The following SLC2A10 variants were observed in gnomAD, a reference collection of about 807,000 sequenced individuals.
SLC2A10 encodes solute carrier family 2, facilitated glucose transporter member 10.
SLC2A10 carries 25 observed loss-of-function variants against 32.1 expected under a neutral mutation model. The ratio of observed to expected loss-of-function variants is 0.78; its 90% CI spans 0.57 to 1.09. SLC2A10 has a LOEUF of 1.09. Ranked by LOEUF, SLC2A10 falls within the 50% of genes least tolerant of loss-of-function variation. The pLI is 0.00. For synonymous variants in SLC2A10, 332 were observed against 309.6 expected (o/e 1.07, Z -0.76); for missense variants, 673 against 686.5 (o/e 0.98, Z 0.22).
rs942027506 is a variant in SLC2A10 at position 46,714,998 on chromosome 20, G to A, written c.4+5258G>A. Among the ~76,000 whole-genome samples, 5 of 152,242 alleles carry A rather than the reference G, an allele frequency of 3.3e-5. No individual in the cohort carries two copies. In the South Asian group the frequency reaches 6.2e-4, roughly 19 times the overall value. On this transcript the variant is annotated intron_variant, in intron 1 of 4. Coordinates refer to ENST00000359271, the MANE Select transcript of SLC2A10 (RefSeq NM_030777.4). ...CTTCTTGCTGGGAGGTCAGTGCAGCGGAGCTCTTAAGGACATGGGTTTGGG... is the reference window on the plus strand; with the variant it reads ...CTTCTTGCTGGGAGGTCAGTGCAGCAGAGCTCTTAAGGACATGGGTTTGGG...
intron 1 of SLC2A10, among the ~76,000 whole-genome samples, chr20:46,715,155 T>C (rs943643527): frequency 2.6e-5 from 4 of 152,192 alleles, no homozygotes; most frequent in African/African-American, 7.2e-5. Flanking sequence ...TGAGGATGAA[T>C]TGAGGGAAGG....
At position 46,729,428 on chromosome 20, in the gene SLC2A10, T is replaced by C; in HGVS notation, c.1487T>C (p.Phe496Ser). 3 of 1,614,074 alleles carry C rather than the reference T, an allele frequency of 1.9e-6. No homozygotes were observed. The highest frequency in any genetic ancestry group is 2.5e-6 in the Non-Finnish European group (3 of 1,179,994). Reference sequence around the variant, plus strand: ...CTCGGCCTGGGCTTCATCTATTTATTTGTTCCTGAAACAAAAGGCCAGTCG... The same window carrying C: ...CTCGGCCTGGGCTTCATCTATTTATCTGTTCCTGAAACAAAAGGCCAGTCG... ...AVLGLGFIYL[F>S]VPETKGQSLA... The change falls in exon 4 of 5, where the codon TTT becomes TCT. Residue 496 changes from phenylalanine to serine, a missense_variant. Coordinates refer to ENST00000359271, the MANE Select transcript of SLC2A10 (RefSeq NM_030777.4).
chr20:46,717,936 T>C, intron 1 of SLC2A10, among the ~76,000 whole-genome samples: 1 of 152,104 alleles, frequency 6.6e-6, no homozygotes, highest in East Asian at 1.9e-4. Context: ...GAAAATACCT[T>C]GACTGCCATG....
At chr20:46,723,204 C>T (rs948302457) in intron 1 of SLC2A10, among the ~76,000 whole-genome samples, 1 of 152,186 alleles carries the variant, frequency 6.6e-6, no homozygotes, top group Admixed American at 6.5e-5. Flanking sequence ...GGTTACCCCC[C>T]ATCATGTTCC....
intron 1 of SLC2A10, among the ~76,000 whole-genome samples, chr20:46,712,651 C>CTTTTTTTTTTTTTTTTTTTTTT (rs11477202): frequency 4.2e-5 from 4 of 94,422 alleles, no homozygotes; most frequent in Admixed American, 1.4e-4. Flanking sequence ...TTCTTTCTTT[C>CTTTTTTTTTTTTTTTTTTTTTT]TTTTTTTTTT....
At position 46,735,730 on chromosome 20, in the gene SLC2A10, T is replaced by C. The variant is rs1015366047; in HGVS notation, c.*1896T>C. On this transcript the variant is annotated 3_prime_UTR_variant, in exon 5 of 5. Coordinates refer to ENST00000359271, the MANE Select transcript of SLC2A10 (RefSeq NM_030777.4). ...AGACTTCAGAACATGCTGGATAAAA[T>C]GTCAGTAATGCAAATTAAACTTTAA... 1 of 152,198 alleles carries C rather than the reference T, an allele frequency of 6.6e-6. No individual in the cohort carries two copies. Among genetic ancestry groups the C allele is most frequent in the Admixed American group, 6.5e-5 (1 of 15,286 alleles). The allele number at this position is 152,198 out of a possible 1,614,324, so 9.4% of individuals were successfully genotyped here. A position where few individuals can be genotyped will look rare whatever the true frequency, so the allele number is the denominator to read the frequency against.
In SLC2A10 at chr20:46,726,311, T is replaced by C. The variant is rs913367370; in HGVS notation, c.1275T>C (p.Phe425=). ...CLMVFVSAFS[F]GFGPVTWLVL... ...TGGTCTTTGTCAGTGCCTTCTCCTT[T>C]GGGTTTGGGCCAGGTAAGTGGAGTT... Residue 425 remains phenylalanine, a synonymous_variant, in exon 2 of 5, where the codon TTT becomes TTC. Coordinates refer to ENST00000359271, the MANE Select transcript of SLC2A10 (RefSeq NM_030777.4). The C allele has an allele frequency of 6.2e-7, 1 of 1,609,814 alleles. No individual in the cohort carries two copies. The highest frequency in any genetic ancestry group is 1.3e-5 in the African/African-American group (1 of 75,056).
In SLC2A10 at chr20:46,725,897, C is replaced by G. The variant is rs747254570; in HGVS notation, c.861C>G (p.Ala287=). ...TGAAGGTGGCAGCTACCCTGACCGC[C>G]ATGGGGCTGGTGGACCGTGCAGGCC... ...GAVKVAATLT[A]MGLVDRAGRR... Residue 287 remains alanine (A), a synonymous_variant, in exon 2 of 5, where the codon GCC becomes GCG. Transcript: ENST00000359271. 6.2e-7 allele frequency: 1 copy of G among 1,614,196 alleles called. No homozygotes were observed. The highest frequency in any genetic ancestry group is 8.5e-7 in the Non-Finnish European group (1 of 1,180,038).
rs1488197656 is a variant in SLC2A10 at position 46,729,403 on chromosome 20, C to T, written c.1462C>T (p.Leu488Phe). 1.2e-6 allele frequency: 2 copies of T among 1,613,972 alleles called. No homozygotes were observed. Among genetic ancestry groups the T allele is most frequent in the Non-Finnish European group, 8.5e-7 (1 of 1,180,016 alleles). Residue 488 changes from leucine to phenylalanine, a missense_variant, in exon 4 of 5, where the codon CTC becomes TTC. Transcript: ENST00000359271. ...TFLLYGLTAVLGLGFIYLFVP... is the reference protein window; with the variant it reads ...TFLLYGLTAVFGLGFIYLFVP... ...CCTGCTCTACGGACTGACCGCTGTC[C>T]TCGGCCTGGGCTTCATCTATTTATT...
chr20:46,725,984 C>T lies in SLC2A10; in HGVS notation c.948C>T (p.Leu316=), dbSNP rs755109002. Residue 316 remains leucine, a synonymous_variant, in exon 2 of 5, where the codon CTC becomes CTT. Transcript: ENST00000359271. ...LMALSVSGIG[L]VSFAVPMDSG... is the part of the protein sequence containing the mutation. ...CCCTGTCCGTCAGTGGCATAGGCCT[C>T]GTCAGCTTTGCCGTGCCCATGGACT... 85 of 1,613,764 alleles carry T rather than the reference C, an allele frequency of 5.3e-5. No individual in the cohort carries two copies. Among genetic ancestry groups the T allele is most frequent in the Middle Eastern group, 1.6e-4 (1 of 6,084 alleles).
intron 4 of SLC2A10, 24 bp from the exon 5 acceptor site, chr20:46,733,732 T>C: frequency 6.2e-7 from 1 of 1,610,108 alleles, no homozygotes; most frequent in South Asian, 1.1e-5. Flanking sequence ...CACCCCCTGA[T>C]CCCACGCATT....
Position 46,726,312 on chromosome 20 carries a change from G to T in SLC2A10, c.1276G>T (p.Gly426Trp), listed in dbSNP as rs121908172. The T allele has an allele frequency of 2.1e-5, 33 of 1,609,532 alleles. No individual in the cohort carries two copies. The highest frequency in any genetic ancestry group is 2.8e-5 in the Non-Finnish European group (33 of 1,180,020). Residue 426 changes from glycine to tryptophan, a missense_variant, in exon 2 of 5, where the codon GGG becomes TGG. By Grantham distance (184) the Gly-to-Trp change is radical. Coordinates refer to ENST00000359271, the MANE Select transcript of SLC2A10 (RefSeq NM_030777.4). ...LMVFVSAFSF[G>W]FGPVTWLVLS... ...GGTCTTTGTCAGTGCCTTCTCCTTTGGGTTTGGGCCAGGTAAGTGGAGTTT... is the reference window on the plus strand; with the variant it reads ...GGTCTTTGTCAGTGCCTTCTCCTTTTGGTTTGGGCCAGGTAAGTGGAGTTT...
intron 2 of SLC2A10, 151 bp downstream of exon 2, chr20:46,726,475 C>T: frequency 1.7e-6 from 2 of 1,183,318 alleles, no homozygotes; most frequent in Non-Finnish European, 2.4e-6. Flanking sequence ...CACTTACCTG[C>T]AGTTGCTCCT....
intron 1 of SLC2A10, among the ~76,000 whole-genome samples, chr20:46,718,954 A>C (rs574168337): frequency 6.6e-6 from 1 of 151,932 alleles, no homozygotes; most frequent in East Asian, 1.9e-4. Context: ...TTTTAAAGAA[A>C]ATTTTTCTGT....
In SLC2A10 at chr20:46,726,325, G is replaced by C; in HGVS notation, c.1288+1G>C. On this transcript the variant is annotated splice_donor_variant, in intron 2 of 4. Coordinates refer to ENST00000359271, the MANE Select transcript of SLC2A10 (RefSeq NM_030777.4). LOFTEE classifies it high-confidence loss of function. ...GCCTTCTCCTTTGGGTTTGGGCCAG[G>C]TAAGTGGAGTTTTCTTGCAGGTGAC... 1 of 1,607,248 alleles carries C rather than the reference G, an allele frequency of 6.2e-7. No homozygotes were observed. Among genetic ancestry groups the C allele is most frequent in the South Asian group, 1.1e-5 (1 of 91,078 alleles).
At chr20:46,712,561 G>C (rs1194037191) in intron 1 of SLC2A10, among the ~76,000 whole-genome samples, 1 of 151,678 alleles carries the variant, frequency 6.6e-6, no homozygotes, top group Non-Finnish European at 1.5e-5. Context: ...ATGCACACTT[G>C]CTAAACTTAG....
intron 1 of SLC2A10, among the ~76,000 whole-genome samples, chr20:46,713,827 C>T (rs1009985337): frequency 1.3e-5 from 2 of 152,114 alleles, no homozygotes; most frequent in African/African-American, 2.4e-5. Context: ...GCTGGGGCCC[C>T]GGAGGCTCAG....
In SLC2A10 at chr20:46,734,135, A is replaced by G; in HGVS notation, c.*301A>G. ...TATTCTATGAAGTCTTTGTTGCACC[A>G]TGGACTTTTCTCAAAGAATCTCAAG... is the stretch of plus-strand genomic sequence containing the variant. On this transcript the variant is annotated 3_prime_UTR_variant, in exon 5 of 5. Coordinates refer to ENST00000359271, the MANE Select transcript of SLC2A10 (RefSeq NM_030777.4). 2.2e-6 allele frequency: 1 copy of G among 457,790 alleles called. No homozygotes were observed. The highest frequency in any genetic ancestry group is 4.0e-6 in the Non-Finnish European group (1 of 249,480). The allele number at this position is 457,790 out of a possible 1,614,324, so 28.4% of individuals were successfully genotyped here.
chr20:46,729,540 C>T (rs757842465), intron 4 of SLC2A10, 52 bp downstream of exon 4: 13 of 1,605,554 alleles, frequency 8.1e-6, no homozygotes, highest in Non-Finnish European at 1.1e-5. Context: ...ACACCCCAAG[C>T]ACACAGCTTC....
Sources: gnomAD v4.1 joint callset for allele counts (sites outside exome capture counted in the v4.1 genomes callset) on GRCh38, gnomAD v4.1.1 for gene constraint, MANE v1.5 for transcripts, NCBI Gene and HGNC (gene_info 2026-07-23, HGNC 2026-07-21) for gene names.